The following WDFY2 variants were observed in gnomAD, a reference collection of about 807,000 sequenced individuals.
WDFY2 encodes the protein WD repeat and FYVE domain-containing protein 2.
Under a neutral mutation model 56.4 loss-of-function variants are expected in WDFY2, and 36 were observed. That is an observed-to-expected ratio of 0.64 (90% CI 0.49 to 0.84). WDFY2 has a LOEUF of 0.84. Among genes scored for constraint, WDFY2 ranks in the 40% least tolerant of loss-of-function variants. WDFY2 has a pLI of 0.00. For missense variants in WDFY2, 444 were observed against 512.2 expected (o/e 0.87, Z 1.29); for synonymous variants, 176 against 183.7 (o/e 0.96, Z 0.34).
chr13:51,598,209 A>T (rs557052563), intron 1 of WDFY2, among the ~76,000 whole-genome samples: 18 of 151,850 alleles, frequency 1.2e-4, no homozygotes, highest in Non-Finnish European at 1.9e-4. Context: ...AAAATACAAA[A>T]ATTAGCTGGG....
At chr13:51,726,784 A>G (rs759663681) in intron 5 of WDFY2, among the ~76,000 whole-genome samples, 1 of 152,160 alleles carries the variant, frequency 6.6e-6, no homozygotes, top group Non-Finnish European at 1.5e-5. Flanking sequence ...TTCTTCTTGA[A>G]CTATCTATTA....
chr13:51,644,714 G>GAA (rs559455912), intron 1 of WDFY2, among the ~76,000 whole-genome samples: 2 of 151,356 alleles, frequency 1.3e-5, no homozygotes, highest in Non-Finnish European at 3.0e-5. Flanking sequence ...CAGCTGTGAG[G>GAA]AAAAAAAAAG....
chr13:51,643,265 C>T (rs535794721), intron 1 of WDFY2, among the ~76,000 whole-genome samples: 2 of 152,262 alleles, frequency 1.3e-5, no homozygotes, highest in African/African-American at 4.8e-5. Context: ...CCAGGATCTG[C>T]TGCATTTTTA....
In WDFY2 at chr13:51,759,845, T is replaced by A; in HGVS notation, c.*76T>A. 1 of 1,476,936 alleles carries A rather than the reference T, an allele frequency of 6.8e-7. No individual in the cohort carries two copies. 91.5% of individuals were successfully genotyped at this position (1,476,936 alleles called of 1,614,324 possible). On this transcript the variant is annotated 3_prime_UTR_variant, in exon 12 of 12. Transcript: ENST00000298125. ...TTAACCCAAATCATTACCAGAGTGGTAAAGCAGACATGTGAGAAGTAAGAA... is the reference window on the plus strand; with the variant it reads ...TTAACCCAAATCATTACCAGAGTGGAAAAGCAGACATGTGAGAAGTAAGAA...
chr13:51,654,774 T>A (rs1251355095), intron 1 of WDFY2, among the ~76,000 whole-genome samples: 1 of 152,226 alleles, frequency 6.6e-6, no homozygotes, highest in Non-Finnish European at 1.5e-5. Flanking sequence ...ATCTCTAAGA[T>A]GCAGAACCTT....
At chr13:51,640,810 A>G (rs141357342) in intron 1 of WDFY2, among the ~76,000 whole-genome samples, 85 of 150,732 alleles carry the variant, frequency 5.6e-4, no homozygotes, top group Non-Finnish European at 9.1e-4. Flanking sequence ...AGATCACGCC[A>G]TTGCACTCCA....
intron 1 of WDFY2, chr13:51,598,268 A>G: frequency 6.6e-6 from 1 of 152,400 alleles, no homozygotes; most frequent in Middle Eastern, 3.4e-3. Context: ...CTGGGGCAGG[A>G]GAGTTGCTTG....
rs1448479547 is a variant in WDFY2, at chr13:51,762,751, C to CT, written c.*2983dup. The CT allele has an allele frequency of 6.6e-6, 1 of 152,138 alleles. No individual in the cohort carries two copies. Among genetic ancestry groups the CT allele is most frequent in the Non-Finnish European group, 1.5e-5 (1 of 68,026 alleles). The allele number at this position is 152,138 out of a possible 1,614,324, so 9.4% of individuals were successfully genotyped here. A position where few individuals can be genotyped will look rare whatever the true frequency, so the allele number is the denominator to read the frequency against. The stretch of plus-strand genomic sequence containing the variant: ...TTTGCACTTTACATATATTTTTGCT[C>CT]TATTACTTAAACATATAGCAGCTTT... On this transcript the variant is annotated 3_prime_UTR_variant, in exon 12 of 12. Coordinates refer to ENST00000298125, the MANE Select transcript of WDFY2 (RefSeq NM_052950.4).
At chr13:51,628,152 G>A (rs1392352283) in intron 1 of WDFY2, among the ~76,000 whole-genome samples, 3 of 152,172 alleles carry the variant, frequency 2.0e-5, no homozygotes, top group African/African-American at 2.4e-5. Context: ...TGCCATCCAC[G>A]GCACCCAGGC....
At chr13:51,733,361 T>G (rs2138670846) in intron 6 of WDFY2, among the ~76,000 whole-genome samples, 1 of 152,194 alleles carries the variant, frequency 6.6e-6, no homozygotes, top group African/African-American at 2.4e-5. Flanking sequence ...AATAGCACCT[T>G]AAGGAGAAAA....
At chr13:51,703,864 TC>T (rs1952034459) in intron 4 of WDFY2, among the ~76,000 whole-genome samples, 1 of 152,230 alleles carries the variant, frequency 6.6e-6, no homozygotes, top group Admixed American at 6.5e-5. Flanking sequence ...CAGAGCCAGA[TC>T]AGGTCAGCTT....
intron 1 of WDFY2, among the ~76,000 whole-genome samples, chr13:51,660,140 G>A (rs1372702055): frequency 6.6e-6 from 1 of 152,016 alleles, no homozygotes; most frequent in Non-Finnish European, 1.5e-5. Context: ...TATATATGGT[G>A]TTCATATATA....
At chr13:51,737,716 T>TACATTTTAACAGACAAC (rs1555264727) in intron 6 of WDFY2, among the ~76,000 whole-genome samples, 4 of 152,276 alleles carry the variant, frequency 2.6e-5, no homozygotes, top group African/African-American at 9.6e-5. Flanking sequence ...CAGCAGACAA[T>TACATTTTAACAGACAAC]ACATTTTAAC....
chr13:51,688,501 A>C (rs533361385), intron 3 of WDFY2, among the ~76,000 whole-genome samples: 59 of 152,304 alleles, frequency 3.9e-4, no homozygotes, highest in Non-Finnish European at 6.6e-4. Context: ...TGGGCTATGC[A>C]ACATACAACC....
intron 1 of WDFY2, among the ~76,000 whole-genome samples, chr13:51,654,469 A>G (rs1439911685): frequency 1.3e-5 from 2 of 152,210 alleles, no homozygotes; most frequent in African/African-American, 2.4e-5. Context: ...GTGGAAATGC[A>G]GAAATCATTC....
At chr13:51,620,941 T>G (rs1954714045) in intron 1 of WDFY2, among the ~76,000 whole-genome samples, 1 of 152,194 alleles carries the variant, frequency 6.6e-6, no homozygotes, top group Non-Finnish European at 1.5e-5. Flanking sequence ...AGGCTTTCCC[T>G]CTGTCCTCAT....
At chr13:51,681,069 G>A (rs1360361007) in intron 3 of WDFY2, among the ~76,000 whole-genome samples, 1 of 152,154 alleles carries the variant, frequency 6.6e-6, no homozygotes, top group Non-Finnish European at 1.5e-5. Context: ...ATTATAACGA[G>A]CCTATGGGGA....
chr13:51,729,347 T>C (rs1952672414), intron 6 of WDFY2, among the ~76,000 whole-genome samples: 1 of 149,508 alleles, frequency 6.7e-6, no homozygotes, highest in Non-Finnish European at 1.5e-5. Context: ...TCACCATCCT[T>C]CCCAAGCCCC....
At chr13:51,592,914 G>T (rs1006079909) in intron 1 of WDFY2, among the ~76,000 whole-genome samples, 2 of 152,176 alleles carry the variant, frequency 1.3e-5, no homozygotes, top group African/African-American at 4.8e-5. Flanking sequence ...CTTGAGGCCA[G>T]GAGTTCAAGA....
Sources: gnomAD v4.1 joint callset for allele counts (sites outside exome capture counted in the v4.1 genomes callset) on GRCh38, gnomAD v4.1.1 for gene constraint, MANE v1.5 for transcripts, NCBI Gene and HGNC (gene_info 2026-07-23, HGNC 2026-07-21) for gene names.